Variants in DCN observed in about 807,000 individuals in gnomAD.
DCN encodes bone proteoglycan II.
In DCN, 17 loss-of-function variants were observed where a neutral mutation model predicts 36.5. The ratio of observed to expected loss-of-function variants is 0.47; its 90% CI spans 0.32 to 0.70. The LOEUF (loss-of-function observed/expected upper bound fraction) is 0.70. Among genes scored for constraint, DCN ranks in the 30% least tolerant of loss-of-function variants. DCN has a pLI of 0.04. For synonymous variants in DCN, 163 were observed against 161.4 expected (o/e 1.01, Z -0.07); for missense variants, 389 against 430.1 (o/e 0.90, Z 0.84).
At chr12:91,152,533 TA>T (rs1004682967) in intron 6 of DCN, among the ~76,000 whole-genome samples, 1 of 151,920 alleles carries the variant, frequency 6.6e-6, no homozygotes, top group African/African-American at 2.4e-5. Flanking sequence ...TCACTTATTT[TA>T]AAAAAAATCA....
intron 7 of DCN, among the ~76,000 whole-genome samples, chr12:91,148,767 C>T (rs1881216012): frequency 7.0e-6 from 1 of 143,036 alleles, no homozygotes; most frequent in South Asian, 2.2e-4. Context: ...TATTGTTCTA[C>T]CCACTAGGAC....
At chr12:91,160,281 G>A (rs528958097) in intron 3 of DCN, among the ~76,000 whole-genome samples, 3 of 152,080 alleles carry the variant, frequency 2.0e-5, no homozygotes, top group Admixed American at 6.5e-5. Flanking sequence ...AATGAAAATC[G>A]CAAAGGAGAT....
At chr12:91,159,662 T>G (rs951421477) in intron 3 of DCN, among the ~76,000 whole-genome samples, 1 of 152,076 alleles carries the variant, frequency 6.6e-6, no homozygotes, top group African/African-American at 2.4e-5. Context: ...ATTTGATTTT[T>G]ATTTCTGAGT....
intron 4 of DCN, among the ~76,000 whole-genome samples, chr12:91,157,760 C>G (rs982702355): frequency 8.6e-5 from 13 of 152,026 alleles, no homozygotes; most frequent in Non-Finnish European, 1.8e-4. Context: ...TCCCGAGTAG[C>G]TGGTACTACA....
intron 2 of DCN, among the ~76,000 whole-genome samples, chr12:91,165,673 T>C (rs1209453936): frequency 6.6e-6 from 1 of 152,262 alleles, no homozygotes. Flanking sequence ...TGATATTCTA[T>C]TAACTCAAAT....
intron 3 of DCN, among the ~76,000 whole-genome samples, chr12:91,159,245 G>A (rs573101511): frequency 9.9e-5 from 15 of 152,108 alleles, no homozygotes; most frequent in African/African-American, 2.2e-4. Flanking sequence ...CATGGATTCC[G>A]CTACAAAAGG....
chr12:91,145,640 G>T lies in DCN; in HGVS notation c.*418C>A. ...ATGAGGCTTTACCAGTAATGATGGG[G>T]ATTAATACAGAGCTAGTGTTTGGCA... On this transcript the variant is annotated 3_prime_UTR_variant, in exon 8 of 8. Coordinates refer to ENST00000052754, the MANE Select transcript of DCN (RefSeq NM_001920.5). The T allele has an allele frequency of 2.9e-5, 8 of 278,552 alleles. No individual in the cohort carries two copies. The South Asian group carries it at 2.9e-4, about 10-fold the overall frequency. 17.3% of individuals were successfully genotyped at this position (278,552 alleles called of 1,614,324 possible).
intron 3 of DCN, among the ~76,000 whole-genome samples, chr12:91,162,333 T>A (rs1295754514): frequency 6.6e-6 from 1 of 152,206 alleles, no homozygotes; most frequent in Non-Finnish European, 1.5e-5. Flanking sequence ...TTTCTTCTAA[T>A]GGCTAAATGT....
In DCN at chr12:91,160,177, C is replaced by T. The variant is rs149412941; in HGVS notation, c.325-1668G>A. Among the ~76,000 whole-genome samples the T allele has an allele frequency of 1.8e-4, 27 of 152,090 alleles. No individual in the cohort carries two copies. In the East Asian group the frequency reaches 4.8e-3, roughly 27 times the overall value. ...GGAGTTAAGGTCATAAAAAAATTGA[C>T]ATTAACAAACAAAAAATCAGGGAAA... is the stretch of plus-strand genomic sequence containing the variant. On this transcript the variant is annotated intron_variant, in intron 3 of 7. Coordinates refer to ENST00000052754, the MANE Select transcript of DCN (RefSeq NM_001920.5).
In DCN at chr12:91,141,433, A is replaced by G. The variant is rs1880752863; in HGVS notation, c.*4625T>C. The G allele has an allele frequency of 6.6e-6, 1 of 152,036 alleles. No individual in the cohort carries two copies. Among genetic ancestry groups the G allele is most frequent in the Admixed American group, 6.6e-5 (1 of 15,246 alleles). The allele number at this position is 152,036 out of a possible 1,614,324, so 9.4% of individuals were successfully genotyped here. A position where few individuals can be genotyped will look rare whatever the true frequency, so the allele number is the denominator to read the frequency against. On this transcript the variant is annotated 3_prime_UTR_variant, in exon 8 of 8. Transcript: ENST00000052754. ...AGTCCTTTTTCCGACCATCCTATAT[A>G]AAATAGCAAGTCTCACCCCCTTCAC...
Position 91,151,706 on chromosome 12 carries a change from T to C in DCN, c.833A>G (p.Asn278Ser), listed in dbSNP as rs1394663371. 1 of 1,614,094 alleles carries C rather than the reference T, an allele frequency of 6.2e-7. No individual in the cohort carries two copies. The highest frequency in any genetic ancestry group is 8.5e-7 in the Non-Finnish European group (1 of 1,179,968). Residue 278 changes from asparagine (N) to serine (S), a missense_variant, in exon 7 of 8, where the codon AAC (asparagine) becomes AGC (serine). By Grantham distance (46) the Asn-to-Ser change is conservative. Transcript: ENST00000052754. The stretch of plus-strand genomic sequence containing the variant: ...ACCAGGTACTCTGGTAAGCTTGTTG[T>C]TGTCCAAGTGAAGCTCCCTCAGATG... ...TPHLRELHLD[N>S]NKLTRVPGGL...
At chr12:91,158,737 G>A (rs1251260025) in intron 3 of DCN, among the ~76,000 whole-genome samples, 2 of 152,294 alleles carry the variant, frequency 1.3e-5, no homozygotes, top group South Asian at 2.1e-4. Flanking sequence ...TGAGGTGGGA[G>A]GATCACTTGA....
intron 2 of DCN, among the ~76,000 whole-genome samples, chr12:91,166,652 C>T (rs1302935211): frequency 6.6e-6 from 1 of 152,130 alleles, no homozygotes; most frequent in Non-Finnish European, 1.5e-5. Flanking sequence ...GATAAAATTT[C>T]AAATGTGTAG....
At chr12:91,158,228 A>C in intron 4 of DCN, 68 bp downstream of exon 4, 1 of 1,015,246 alleles carries the variant, frequency 9.8e-7, no homozygotes, top group Non-Finnish European at 1.6e-6. Context: ...CCTGCACTTA[A>C]AACCCAGTTG....
intron 2 of DCN, among the ~76,000 whole-genome samples, chr12:91,173,585 C>T (rs919897037): frequency 6.6e-6 from 1 of 152,294 alleles, no homozygotes; most frequent in African/African-American, 2.4e-5. Flanking sequence ...CTGTGCACAG[C>T]CTCCTTCCCA....
chr12:91,164,909 G>A (rs938146545), intron 2 of DCN, among the ~76,000 whole-genome samples, 192 bp from the exon 3 acceptor site: 4 of 152,068 alleles, frequency 2.6e-5, no homozygotes, highest in African/African-American at 9.7e-5. Context: ...CAAGTCAAAT[G>A]ACTTTTTGTA....
At chr12:91,153,946 T>C (rs1275180071) in intron 5 of DCN, among the ~76,000 whole-genome samples, 4 of 152,140 alleles carry the variant, frequency 2.6e-5, no homozygotes, top group Non-Finnish European at 1.5e-5. Context: ...TTTATTTTCA[T>C]TTCCTCCTAG....
chr12:91,146,353 T>TC (rs1881021921), intron 7 of DCN, 101 bp from the exon 8 acceptor site: 1 of 290,474 alleles, frequency 3.4e-6, no homozygotes, highest in Non-Finnish European at 5.6e-6. Flanking sequence ...ATCCTTCACT[T>TC]TTTTTTTTTT....
At chr12:91,163,195 G>A (rs756600225) in intron 3 of DCN, among the ~76,000 whole-genome samples, 1 of 152,192 alleles carries the variant, frequency 6.6e-6, no homozygotes, top group South Asian at 2.1e-4. Context: ...CTGGTGTTCT[G>A]TGTGAACAAA....
Sources: gnomAD v4.1 joint callset for allele counts (sites outside exome capture counted in the v4.1 genomes callset) on GRCh38, gnomAD v4.1.1 for gene constraint, MANE v1.5 for transcripts, NCBI Gene and HGNC (gene_info 2026-07-23, HGNC 2026-07-21) for gene names.